The following GALNT13 variants were observed in gnomAD, a reference collection of about 807,000 sequenced individuals.
GALNT13 encodes the protein polypeptide N-acetylgalactosaminyltransferase 13, also known as UDP-GalNAc:polypeptide N-acetylgalactosaminyltransferase 13.
In GALNT13, 28 loss-of-function variants were observed where a neutral mutation model predicts 64.2. The ratio of observed to expected loss-of-function variants is 0.44; its 90% CI spans 0.32 to 0.60. The LOEUF is 0.60. GALNT13 is among the 20% of genes least tolerant of loss of function. GALNT13 has a pLI of 0.05. For missense variants in GALNT13, 577 were observed against 669.8 expected, an observed-to-expected ratio of 0.86 and a Z score of 1.53; for synonymous variants, 214 against 224.6, an observed-to-expected ratio of 0.95 and a Z score of 0.42.
chr2:153,613,718 T>C, the GALNT13 span, among the ~76,000 whole-genome samples: 2 of 152,106 alleles, frequency 1.3e-5, no homozygotes, highest in Non-Finnish European at 1.5e-5. Flanking sequence ...AGTGAGAACA[T>C]GCGGTGTTTG....
Position 154,263,372 on chromosome 2 carries a change from G to A in GALNT13, c.975+4234G>A, listed in dbSNP as rs1379691526. Among the ~76,000 whole-genome samples, 5 of 152,150 alleles carry A rather than the reference G, an allele frequency of 3.3e-5. No individual in the cohort carries two copies. In the East Asian group the frequency reaches 7.7e-4, roughly 23 times the overall value. ...TGCTGAGTACTCCACTCAGCACATA[G>A]TGTGTCATTCATGGCAGCTGTTGTG... On this transcript the variant is annotated intron_variant, in intron 8 of 12. Transcript: ENST00000392825.
the GALNT13 span, among the ~76,000 whole-genome samples, chr2:153,184,480 T>A: frequency 5.9e-5 from 9 of 152,354 alleles, no homozygotes; most frequent in African/African-American, 2.2e-4. Context: ...CTTGCCTGAT[T>A]GTCCTGGCCA....
chr2:153,261,413 A>G, the GALNT13 span, among the ~76,000 whole-genome samples: 1 of 152,140 alleles, frequency 6.6e-6, no homozygotes, highest in South Asian at 2.1e-4. Context: ...TTGCAGCCAT[A>G]TTTGCTTAAC....
At chr2:153,410,021 A>G in the GALNT13 span, among the ~76,000 whole-genome samples, 10 of 152,238 alleles carry the variant, frequency 6.6e-5, no homozygotes, top group Non-Finnish European at 1.5e-4. Context: ...AACCAGTGTC[A>G]GCCTTATATA....
chr2:154,097,058 T>A (rs1702110831), intron 3 of GALNT13, among the ~76,000 whole-genome samples: 1 of 152,024 alleles, frequency 6.6e-6, no homozygotes, highest in Non-Finnish European at 1.5e-5. Flanking sequence ...AGACATAACA[T>A]CACATTCTGA....
the GALNT13 span, among the ~76,000 whole-genome samples, chr2:153,303,414 T>C: frequency 7.9e-5 from 12 of 152,176 alleles, no homozygotes; most frequent in Non-Finnish European, 1.6e-4. Context: ...TGCTGCTTCA[T>C]TAAACATGTT....
chr2:153,215,698 GT>G, the GALNT13 span, among the ~76,000 whole-genome samples: 1 of 151,442 alleles, frequency 6.6e-6, no homozygotes, highest in Non-Finnish European at 1.5e-5. Context: ...TTTTCTGTTG[GT>G]GTGAATTTCT....
chr2:153,872,200 C>G lies in GALNT13; in HGVS notation c.-280C>G, dbSNP rs1270072705. On this transcript the variant is annotated 5_prime_UTR_variant, in exon 1 of 13. Coordinates refer to ENST00000392825, the MANE Select transcript of GALNT13 (RefSeq NM_052917.4). ...AGGTGAGCGCGGACTCGGCGAGCCCCGCACTCGGCGCGGCCGGCCGGCGCC... is the reference window on the plus strand; with the variant it reads ...AGGTGAGCGCGGACTCGGCGAGCCCGGCACTCGGCGCGGCCGGCCGGCGCC... 12 of 151,300 alleles carry G rather than the reference C, an allele frequency of 7.9e-5. No homozygotes were observed. In the East Asian group the frequency reaches 2.2e-3, roughly 27 times the overall value. The allele number at this position is 151,300 out of a possible 1,614,324, so 9.4% of individuals were successfully genotyped here.
At chr2:153,348,083 G>A in the GALNT13 span, among the ~76,000 whole-genome samples, 1 of 152,094 alleles carries the variant, frequency 6.6e-6, no homozygotes, top group Middle Eastern at 3.4e-3. Context: ...TGGAGAGGGG[G>A]GTGTCCTCTG....
chr2:153,541,435 C>G, the GALNT13 span, among the ~76,000 whole-genome samples: 1 of 152,072 alleles, frequency 6.6e-6, no homozygotes, highest in Non-Finnish European at 1.5e-5. Flanking sequence ...TTTCTCTTGC[C>G]CTCCTGTCTC....
intron 3 of GALNT13, among the ~76,000 whole-genome samples, chr2:154,075,369 C>T (rs13403897): frequency 0.2 from 30,429 of 151,600 alleles, 3,995 homozygotes; most frequent in Middle Eastern, 0.32. Context: ...CTTTAGGTTT[C>T]GAGATAACAT....
the GALNT13 span, among the ~76,000 whole-genome samples, chr2:153,604,988 G>T: frequency 6.6e-6 from 1 of 151,888 alleles, no homozygotes; most frequent in Non-Finnish European, 1.5e-5. Flanking sequence ...ACTTTTTTGG[G>T]ATCATGCAAC....
the GALNT13 span, among the ~76,000 whole-genome samples, chr2:153,797,671 G>A: frequency 6.6e-6 from 1 of 152,154 alleles, no homozygotes; most frequent in Non-Finnish European, 1.5e-5. Context: ...ACCTCCCCTT[G>A]TGATGAGAGG....
chr2:153,648,764 A>G, the GALNT13 span, among the ~76,000 whole-genome samples: 2 of 152,158 alleles, frequency 1.3e-5, no homozygotes, highest in Non-Finnish European at 2.9e-5. Flanking sequence ...ATGCTGGATT[A>G]CGTTTATTGA....
chr2:153,477,235 A>AG, the GALNT13 span: 5 of 152,436 alleles, frequency 3.3e-5, no homozygotes, highest in African/African-American at 1.2e-4. Flanking sequence ...GTTGAATCGC[A>AG]GCTCTCCAGG....
intron 9 of GALNT13, among the ~76,000 whole-genome samples, chr2:154,302,423 A>T (rs1000390971): frequency 6.6e-6 from 1 of 152,242 alleles, no homozygotes; most frequent in African/African-American, 2.4e-5. Flanking sequence ...AACAACAAAA[A>T]TCCAGGCCTA....
chr2:153,198,787 A>G, the GALNT13 span, among the ~76,000 whole-genome samples: 1 of 152,218 alleles, frequency 6.6e-6, no homozygotes, highest in African/African-American at 2.4e-5. Flanking sequence ...TGAAGATATC[A>G]CCTTCCTCAG....
Position 153,944,388 on chromosome 2 carries a change from A to C in GALNT13, c.-104-6A>C, listed in dbSNP as rs1043262703. On this transcript the variant is annotated splice_region_variant and splice_polypyrimidine_tract_variant and intron_variant, in intron 2 of 12. Transcript: ENST00000392825. ...TAATGAAATTTTCTTCTTTGTTTTA[A>C]TGCAGTGGAATGTATCCTGCTTTCA... 4.5e-6 allele frequency: 4 copies of C among 898,198 alleles called. No individual in the cohort carries two copies. Among genetic ancestry groups the C allele is most frequent in the Non-Finnish European group, 6.8e-6 (4 of 590,142 alleles). 55.6% of individuals were successfully genotyped at this position (898,198 alleles called of 1,614,324 possible). A position where few individuals can be genotyped will look rare whatever the true frequency, so the allele number is the denominator to read the frequency against.
the GALNT13 span, among the ~76,000 whole-genome samples, chr2:153,730,666 T>C: frequency 2.0e-4 from 31 of 151,772 alleles, no homozygotes; most frequent in South Asian, 6.4e-3. Flanking sequence ...AGAACTGCTA[T>C]CCAGAATCTA....
Sources: gnomAD v4.1 joint callset for allele counts (sites outside exome capture counted in the v4.1 genomes callset) on GRCh38, gnomAD v4.1.1 for gene constraint, MANE v1.5 for transcripts, NCBI Gene and HGNC (gene_info 2026-07-23, HGNC 2026-07-21) for gene names.